ADAMTS20: variants seen among roughly 807,000 people sequenced by gnomAD.
ADAMTS20 encodes the protein ADAM metallopeptidase with thrombospondin type 1 motif 20, also known as A disintegrin and metalloproteinase with thrombospondin motifs 20.
In ADAMTS20, 225 loss-of-function variants were observed where a neutral mutation model predicts 260.1. The ratio of observed to expected loss-of-function variants is 0.87; its 90% CI spans 0.78 to 0.97. ADAMTS20 has a LOEUF of 0.97. Among genes scored for constraint, ADAMTS20 ranks in the 50% least tolerant of loss-of-function variants. The pLI, the probability that ADAMTS20 is intolerant of heterozygous loss-of-function variation, is 0.00. For synonymous variants in ADAMTS20, 802 were observed against 769.5 expected, an observed-to-expected ratio of 1.04 and a Z score of -0.70; for missense variants, 2,400 against 2,337.7, an observed-to-expected ratio of 1.03 and a Z score of -0.55.
intron 3 of ADAMTS20, among the ~76,000 whole-genome samples, chr12:43,527,884 G>C (rs562770287): frequency 7.2e-5 from 11 of 152,198 alleles, no homozygotes; most frequent in African/African-American, 2.4e-4. Context: ...AATTGGAAAA[G>C]AGGAAGTCCA....
In ADAMTS20 at chr12:43,426,644, A is replaced by G. The variant is rs538645936; in HGVS notation, c.4107+664T>C. 9.2e-5 allele frequency among the ~76,000 whole-genome samples: 14 copies of G among 152,346 alleles called. 1 individual carries two copies. In the South Asian group the frequency reaches 2.9e-3, roughly 32 times the overall value. Reference sequence around the variant, plus strand: ...GCATGAAGCAAGTGCTCAATAACTGACAACTATCTGGCTTAAAGAAAAAGA... The same window carrying G: ...GCATGAAGCAAGTGCTCAATAACTGGCAACTATCTGGCTTAAAGAAAAAGA... On this transcript the variant is annotated intron_variant, in intron 27 of 38. Coordinates refer to ENST00000389420, the MANE Select transcript of ADAMTS20 (RefSeq NM_025003.5).
chr12:43,368,343 C>A (rs1245070923), intron 37 of ADAMTS20, among the ~76,000 whole-genome samples: 2 of 152,070 alleles, frequency 1.3e-5, no homozygotes, highest in Non-Finnish European at 2.9e-5. Context: ...TTTCATGTAA[C>A]ATCACCACTT....
chr12:43,386,683 C>T (rs1420715595), intron 29 of ADAMTS20, among the ~76,000 whole-genome samples: 5 of 152,142 alleles, frequency 3.3e-5, no homozygotes, highest in African/African-American at 1.2e-4. Context: ...TTTGTTCACT[C>T]CTTTTCATTC....
rs1176059169 is a variant in ADAMTS20 at position 43,446,607 on chromosome 12, T to G, written c.2185A>C (p.Ser729Arg). 3.1e-6 allele frequency: 5 copies of G among 1,612,242 alleles called. No homozygotes were observed. Among genetic ancestry groups the G allele is most frequent in the South Asian group, 2.2e-5 (2 of 91,038 alleles). The change falls in exon 15 of 39, where the codon AGT becomes CGT. Residue 729 changes from serine to arginine, a missense_variant. Ser to Arg is a moderately radical substitution (Grantham distance 110). Coordinates refer to ENST00000389420, the MANE Select transcript of ADAMTS20 (RefSeq NM_025003.5). ...ATACACAACTTACCATAATGAGAAC[T>G]GTTGAAGACACCTGTTATTGTCTTG... is the stretch of plus-strand genomic sequence containing the variant. Reference protein sequence around the residue: ...SCKTITGVFNSSHYGYNVVVK... With the variant: ...SCKTITGVFNRSHYGYNVVVK...
chr12:43,540,957 T>G (rs1029671716), intron 2 of ADAMTS20, among the ~76,000 whole-genome samples: 37 of 152,216 alleles, frequency 2.4e-4, no homozygotes, highest in African/African-American at 8.7e-4. Flanking sequence ...TTCCAAAATG[T>G]TCTTATTTCA....
chr12:43,529,203 G>T (rs961586513), intron 3 of ADAMTS20, among the ~76,000 whole-genome samples: 1 of 152,050 alleles, frequency 6.6e-6, no homozygotes, highest in Non-Finnish European at 1.5e-5. Flanking sequence ...ACTTCTGATG[G>T]GAATATAAAT....
chr12:43,384,091 CATGA>C, intron 29 of ADAMTS20, 114 bp from the exon 30 acceptor site: 1 of 958,436 alleles, frequency 1.0e-6, no homozygotes, highest in East Asian at 2.7e-5. Context: ...GGTATTAAAA[CATGA>C]ATTAGATAAA....
At chr12:43,526,400 G>T (rs1943143521) in intron 3 of ADAMTS20, among the ~76,000 whole-genome samples, 3 of 152,140 alleles carry the variant, frequency 2.0e-5, no homozygotes, top group African/African-American at 7.2e-5. Flanking sequence ...GGAGCTTGTG[G>T]TGAGCCGAGA....
chr12:43,537,821 T>A (rs1943317821), intron 2 of ADAMTS20, among the ~76,000 whole-genome samples: 1 of 152,222 alleles, frequency 6.6e-6, no homozygotes, highest in Admixed American at 6.5e-5. Flanking sequence ...TCTAATTCCA[T>A]CCCCATTGTT....
At chr12:43,533,003 C>T (rs1215430413) in intron 2 of ADAMTS20, among the ~76,000 whole-genome samples, 3 of 21,284 alleles carry the variant, frequency 1.4e-4, no homozygotes, top group South Asian at 1.3e-3. Context: ...TGAATAGTGC[C>T]GCAATAAACA....
intron 31 of ADAMTS20, among the ~76,000 whole-genome samples, chr12:43,380,608 T>A (rs996919119): frequency 6.6e-6 from 1 of 152,092 alleles, no homozygotes; most frequent in Non-Finnish European, 1.5e-5. Context: ...TCTATTTCTA[T>A]ACACAAGCAA....
Position 43,551,633 on chromosome 12 carries a change from G to A in ADAMTS20, c.91+198C>T, listed in dbSNP as rs865839417. Among the ~76,000 whole-genome samples, 1 of 152,138 alleles carries A rather than the reference G, an allele frequency of 6.6e-6. No homozygotes were observed. The highest frequency in any genetic ancestry group is 1.5e-5 in the Non-Finnish European group (1 of 68,028). ...CCCCGCCGTGTGGTCCTGGGAGTGC[G>A]ATGCGTCTTAGGCGCGCGCGATTCC... On this transcript the variant is annotated intron_variant, in intron 1 of 38. Coordinates refer to ENST00000389420, the MANE Select transcript of ADAMTS20 (RefSeq NM_025003.5). The surrounding 1 kb of genome is among the most constrained non-coding windows in gnomAD (Gnocchi z 4.6).
At chr12:43,540,983 T>A (rs1399106693) in intron 2 of ADAMTS20, among the ~76,000 whole-genome samples, 1 of 152,196 alleles carries the variant, frequency 6.6e-6, no homozygotes, top group African/African-American at 2.4e-5. Flanking sequence ...ATGGCATTCA[T>A]CCATATATTT....
chr12:43,441,466 TAAGTTG>T (rs1236129360), intron 16 of ADAMTS20, among the ~76,000 whole-genome samples: 3 of 146,162 alleles, frequency 2.1e-5, no homozygotes, highest in Non-Finnish European at 4.6e-5. Context: ...GATTTAAGTT[TAAGTTG>T]TTGTGATTAA....
chr12:43,388,131 G>T (rs1235479681), intron 29 of ADAMTS20, among the ~76,000 whole-genome samples: 1 of 152,002 alleles, frequency 6.6e-6, no homozygotes, highest in Non-Finnish European at 1.5e-5. Flanking sequence ...CCAGTTTTGC[G>T]CTTGAAACCC....
At chr12:43,451,075 A>G (rs1941856261) in intron 14 of ADAMTS20, among the ~76,000 whole-genome samples, 1 of 152,212 alleles carries the variant, frequency 6.6e-6, no homozygotes, top group African/African-American at 2.4e-5. Context: ...TGGTTTATAT[A>G]CAAAATGGTA....
intron 3 of ADAMTS20, among the ~76,000 whole-genome samples, chr12:43,505,465 A>T (rs1942828255): frequency 6.6e-6 from 1 of 152,214 alleles, no homozygotes. Flanking sequence ...CTGATTAAAA[A>T]TGAGTAAAGA....
At chr12:43,457,425 T>C (rs1174584069) in intron 11 of ADAMTS20, among the ~76,000 whole-genome samples, 1 of 152,198 alleles carries the variant, frequency 6.6e-6, no homozygotes, top group Non-Finnish European at 1.5e-5. Flanking sequence ...TTTTTAATTC[T>C]TTACTATTAA....
intron 24 of ADAMTS20, among the ~76,000 whole-genome samples, chr12:43,429,284 AC>A (rs1274587748): frequency 6.6e-6 from 1 of 152,180 alleles, no homozygotes; most frequent in African/African-American, 2.4e-5. Context: ...TAGAAAAACA[AC>A]ATGAAAATGT....
Sources: allele counts gnomAD v4.1 joint callset (sites outside exome capture counted in the v4.1 genomes callset), GRCh38; gene constraint gnomAD v4.1.1; non-coding constraint Gnocchi (gnomAD v3.1); transcripts MANE v1.5; gene names NCBI Gene and HGNC (gene_info 2026-07-23, HGNC 2026-07-21).